The following DOCK6 variants were observed in gnomAD, a reference collection of about 807,000 sequenced individuals.
DOCK6 encodes dedicator of cytokinesis protein 6.
DOCK6 carries 167 observed loss-of-function variants against 230.3 expected under a neutral mutation model. The observed-to-expected ratio is 0.73, with a 90% CI of 0.64 to 0.82. The LOEUF is 0.82. Among genes scored for constraint, DOCK6 ranks in the 40% least tolerant of loss-of-function variants. DOCK6 has a pLI of 0.00. For synonymous variants in DOCK6, 1,148 were observed against 1,185.0 expected (o/e 0.97, Z 0.64); for missense variants, 2,598 against 2,825.8 (o/e 0.92, Z 1.83).
intron 9 of DOCK6, among the ~76,000 whole-genome samples, chr19:11,244,622 C>A (rs10411534): frequency 0.56 from 85,416 of 151,618 alleles, 26,088 homozygotes; most frequent in African/African-American, 0.82. Context: ...TACTACGTCC[C>A]GCTAATTTTT....
At chr19:11,242,301 A>C in intron 13 of DOCK6, 94 bp from the exon 14 acceptor site, 1 of 1,244,774 alleles carries the variant, frequency 8.0e-7, no homozygotes, top group South Asian at 3.3e-5. Context: ...CTCTCCCATG[A>C]TGTTCTCTGG....
In DOCK6 at chr19:11,229,051, G is replaced by A. The variant is rs376392245; in HGVS notation, c.2719-16C>T. 3 of 1,612,052 alleles carry A rather than the reference G, an allele frequency of 1.9e-6. No individual in the cohort carries two copies. The highest frequency in any genetic ancestry group is 2.5e-6 in the Non-Finnish European group (3 of 1,179,108). ...CGTGAAGCAGCTGGGGACAGAGGCA[G>A]GGGTCACAGAGTGCGAGGTGCCACC... On this transcript the variant is annotated splice_polypyrimidine_tract_variant and intron_variant, in intron 22 of 47. Transcript: ENST00000294618.
At position 11,227,208 on chromosome 19, in the gene DOCK6, G is replaced by A. The variant is rs1024021625; in HGVS notation, c.2955+129C>T. 5.6e-5 allele frequency: 71 copies of A among 1,275,960 alleles called. No individual in the cohort carries two copies. The East Asian group carries it at 1.5e-3, about 27-fold the overall frequency. 79.0% of individuals were successfully genotyped at this position (1,275,960 alleles called of 1,614,324 possible). A position where few individuals can be genotyped will look rare whatever the true frequency, so the allele number is the denominator to read the frequency against. The stretch of plus-strand genomic sequence containing the variant: ...CTTAAGAAACAGACAATGAATGAAC[G>A]GATCCACCCAGCAAAGTGGATTCCT... On this transcript the variant is annotated intron_variant, in intron 24 of 47. Coordinates refer to ENST00000294618, the MANE Select transcript of DOCK6 (RefSeq NM_020812.4).
chr19:11,256,134 G>A (rs1192965554), intron 1 of DOCK6, among the ~76,000 whole-genome samples: 1 of 152,160 alleles, frequency 6.6e-6, no homozygotes, highest in Non-Finnish European at 1.5e-5. Flanking sequence ...TACTGACTGG[G>A]GGGGTTGAGA....
At chr19:11,247,038 G>A (rs190035596) in intron 7 of DOCK6, among the ~76,000 whole-genome samples, 4 of 152,296 alleles carry the variant, frequency 2.6e-5, no homozygotes, top group South Asian at 2.1e-4. Context: ...TTTCAGCATC[G>A]CTTATCCCGG....
rs778881672 is a variant in DOCK6 at position 11,243,719 on chromosome 19, A to T, written c.1105-9T>A. ...TCTAGCTTCTCTTTGTTCTGTGGGG[A>T]GACCCCGTCCCCTGCCAGCTCAGCA... On this transcript the variant is annotated splice_polypyrimidine_tract_variant and intron_variant, in intron 10 of 47. Transcript: ENST00000294618. This position sits in a 1 kb window ranked among gnomAD's most constrained non-coding sequence, Gnocchi z 6.3. 2.5e-6 allele frequency: 4 copies of T among 1,613,696 alleles called. No homozygotes were observed. The African/African-American group carries it at 5.3e-5, about 22-fold the overall frequency.
At chr19:11,209,392 A>G (rs187477468) in intron 37 of DOCK6, among the ~76,000 whole-genome samples, 74 of 150,334 alleles carry the variant, frequency 4.9e-4, no homozygotes, top group Admixed American at 1.1e-3. Context: ...CTTCCTCCTC[A>G]CTTGTCCTGC....
rs1240154505 is a variant in DOCK6 at position 11,199,470 on chromosome 19, C to G, written c.*27G>C. 6.4e-7 allele frequency: 1 copy of G among 1,569,614 alleles called. No homozygotes were observed. The highest frequency in any genetic ancestry group is 1.9e-5 in the Admixed American group (1 of 53,076). Reference sequence around the variant, plus strand: ...AGCTGAGGCCCGGGTGCTGGTTCCTCTAGGTACAGCTTTGGTCCTTGTGGG... The same window carrying G: ...AGCTGAGGCCCGGGTGCTGGTTCCTGTAGGTACAGCTTTGGTCCTTGTGGG... On this transcript the variant is annotated 3_prime_UTR_variant, in exon 48 of 48. Transcript: ENST00000294618.
intron 1 of DOCK6, among the ~76,000 whole-genome samples, chr19:11,261,395 G>A (rs1454434616): frequency 7.6e-6 from 1 of 131,554 alleles, no homozygotes; most frequent in Non-Finnish European, 1.5e-5. Flanking sequence ...ACTTGTCACT[G>A]ACAGGTAATC....
rs1288355644 is a variant in DOCK6 at position 11,202,834 on chromosome 19, C to T, written c.5236-125G>A. On this transcript the variant is annotated intron_variant, in intron 41 of 47. Transcript: ENST00000294618. This position sits in a 1 kb window ranked among gnomAD's most constrained non-coding sequence, Gnocchi z 5.3. ...GACCCCGAGAACATCAGGGCATGGGCACAGGCAGGGGGCCCTGAGAACATT... is the reference window on the plus strand; with the variant it reads ...GACCCCGAGAACATCAGGGCATGGGTACAGGCAGGGGGCCCTGAGAACATT... 6.7e-7 allele frequency: 1 copy of T among 1,492,188 alleles called. No homozygotes were observed. Among genetic ancestry groups the T allele is most frequent in the Non-Finnish European group, 9.2e-7 (1 of 1,089,294 alleles). The allele number at this position is 1,492,188 out of a possible 1,614,324, so 92.4% of individuals were successfully genotyped here.
rs753645251 is a variant in DOCK6, at chr19:11,212,122, G to A, written c.4521C>T (p.Thr1507=). ...TCCCCACCAGGGACGAGAGAGACAT[G>A]GTGACCTGCATCTTCACACGGGCAA... ...HNFARVKMQV[T]MSLSSLVGTT... is the part of the protein sequence containing the mutation. Residue 1507 remains threonine, a synonymous_variant, in exon 36 of 48, where the codon ACC becomes ACT. Transcript: ENST00000294618. 7.4e-6 allele frequency: 12 copies of A among 1,611,704 alleles called. No individual in the cohort carries two copies. The highest frequency in any genetic ancestry group is 1.0e-5 in the Non-Finnish European group (12 of 1,179,780).
chr19:11,211,954 T>C (rs533195998), intron 36 of DOCK6, 39 bp downstream of exon 36: 8 of 1,587,376 alleles, frequency 5.0e-6, no homozygotes, highest in African/African-American at 1.3e-5. Flanking sequence ...TTGGGAGTTA[T>C]ATGAAGGGGA....
rs2079839681 is a variant in DOCK6 at position 11,235,904 on chromosome 19, G to A, written c.2393-145C>T. ...TTTTTTTTTTTTTTTTTTTTGAGAT[G>A]GAGTCTTGCTCTGTTGCCCGGGCTG... On this transcript the variant is annotated intron_variant, in intron 20 of 47. Coordinates refer to ENST00000294618, the MANE Select transcript of DOCK6 (RefSeq NM_020812.4). 5.0e-6 allele frequency: 5 copies of A among 1,003,928 alleles called. No individual in the cohort carries two copies. In the Admixed American group the frequency reaches 1.7e-4, roughly 34 times the overall value. 62.2% of individuals were successfully genotyped at this position (1,003,928 alleles called of 1,614,324 possible).
At chr19:11,245,040 A>G (rs2147857329) in intron 9 of DOCK6, among the ~76,000 whole-genome samples, 1 of 152,226 alleles carries the variant, frequency 6.6e-6, no homozygotes, top group East Asian at 1.9e-4. Flanking sequence ...CAGTTTCCCC[A>G]TCTGGAAAAT....
rs1459014055 is a variant in DOCK6, at chr19:11,243,396, G to A, written c.1259-11C>T. The A allele has an allele frequency of 6.3e-7, 1 of 1,599,854 alleles. No homozygotes were observed. Among genetic ancestry groups the A allele is most frequent in the South Asian group, 1.1e-5 (1 of 88,974 alleles). ...AGGCTGGCCGGCGCTCTAGGGGAGGGAATGACAATGACAAAAGGGGGACCA... is the reference window on the plus strand; with the variant it reads ...AGGCTGGCCGGCGCTCTAGGGGAGGAAATGACAATGACAAAAGGGGGACCA... On this transcript the variant is annotated splice_polypyrimidine_tract_variant and intron_variant, in intron 11 of 47. Transcript: ENST00000294618. The surrounding 1 kb of genome is among the most constrained non-coding windows in gnomAD (Gnocchi z 6.3).
chr19:11,233,085 G>A (rs371238659), intron 22 of DOCK6, 118 bp downstream of exon 22: 26 of 1,351,562 alleles, frequency 1.9e-5, no homozygotes, highest in Admixed American at 8.5e-5. Flanking sequence ...CCAGAGTGAC[G>A]CCTTCATTCA....
Position 11,214,667 on chromosome 19 carries a change from G to A in DOCK6, c.4107-18C>T, listed in dbSNP as rs1438463415. 2 of 1,611,598 alleles carry A rather than the reference G, an allele frequency of 1.2e-6. No homozygotes were observed. Among genetic ancestry groups the A allele is most frequent in the Non-Finnish European group, 1.7e-6 (2 of 1,178,624 alleles). On this transcript the variant is annotated intron_variant, in intron 32 of 47. Transcript: ENST00000294618. Reference sequence around the variant, plus strand: ...CCTTGGTCCTGGAAGGGGAAAGGAGGTCTTGGGGGCCCACTCGGGGTGAGA... The same window carrying A: ...CCTTGGTCCTGGAAGGGGAAAGGAGATCTTGGGGGCCCACTCGGGGTGAGA...
chr19:11,229,098 G>T, intron 22 of DOCK6, 63 bp from the exon 23 acceptor site: 1 of 1,500,620 alleles, frequency 6.7e-7, no homozygotes, highest in Non-Finnish European at 9.1e-7. Flanking sequence ...CCCCTCTGGA[G>T]ACATGCCAGG....
Position 11,222,646 on chromosome 19 carries a change from A to G in DOCK6, c.3240+89T>C. ...TCACCTAGGCAGTGGTCCACCGTGAAAGGGACAGAGATGAGGGAACCATAG... is the reference window on the plus strand; with the variant it reads ...TCACCTAGGCAGTGGTCCACCGTGAGAGGGACAGAGATGAGGGAACCATAG... On this transcript the variant is annotated intron_variant, in intron 26 of 47. Coordinates refer to ENST00000294618, the MANE Select transcript of DOCK6 (RefSeq NM_020812.4). This position sits in a 1 kb window ranked among gnomAD's most constrained non-coding sequence, Gnocchi z 4.0. 7.3e-7 allele frequency: 1 copy of G among 1,366,440 alleles called. No individual in the cohort carries two copies. The allele number at this position is 1,366,440 out of a possible 1,614,324, so 84.6% of individuals were successfully genotyped here.
Sources: allele counts gnomAD v4.1 joint callset (sites outside exome capture counted in the v4.1 genomes callset), GRCh38; gene constraint gnomAD v4.1.1; non-coding constraint Gnocchi (gnomAD v3.1); transcripts MANE v1.5; gene names NCBI Gene and HGNC (gene_info 2026-07-23, HGNC 2026-07-21).